Variants in SUGCT observed in about 807,000 individuals in gnomAD.
The protein encoded by SUGCT is succinyl-CoA:glutarate-CoA transferase.
Under a neutral mutation model 55.0 loss-of-function variants are expected in SUGCT, and 41 were observed. That is an observed-to-expected ratio of 0.74 (90% CI 0.58 to 0.97). The LOEUF (loss-of-function observed/expected upper bound fraction) is 0.97. Ranked by LOEUF, SUGCT falls within the 50% of genes least tolerant of loss-of-function variation. SUGCT has a pLI of 0.00. For missense variants in SUGCT, 568 were observed against 547.8 expected (o/e 1.04, Z -0.37); for synonymous variants, 187 against 200.4 (o/e 0.93, Z 0.56).
chr7:40,355,153 A>G (rs1408592537), intron 9 of SUGCT, among the ~76,000 whole-genome samples: 1 of 152,196 alleles, frequency 6.6e-6, no homozygotes, highest in Non-Finnish European at 1.5e-5. Context: ...CGTTACTGAT[A>G]GTGGTCACTT....
At chr7:40,925,384 T>A in the SUGCT span, among the ~76,000 whole-genome samples, 1 of 152,366 alleles carries the variant, frequency 6.6e-6, no homozygotes, top group African/African-American at 2.4e-5. Context: ...ACTTGCTTTT[T>A]AATATGCCTA....
intron 13 of SUGCT, among the ~76,000 whole-genome samples, chr7:40,836,865 A>T (rs1584512613): frequency 1.3e-5 from 2 of 152,012 alleles, no homozygotes; most frequent in East Asian, 3.9e-4. Flanking sequence ...ACTGAAAGAT[A>T]TTTGTTTCCA....
chr7:40,987,954 C>G, the SUGCT span, among the ~76,000 whole-genome samples: 1 of 151,872 alleles, frequency 6.6e-6, no homozygotes, highest in Non-Finnish European at 1.5e-5. Context: ...CTCTTTCTCT[C>G]TGTGTGTGTC....
At chr7:40,550,476 G>A (rs375994379) in intron 12 of SUGCT, among the ~76,000 whole-genome samples, 2 of 152,166 alleles carry the variant, frequency 1.3e-5, no homozygotes, top group South Asian at 4.1e-4. Context: ...GAAAGCAGGA[G>A]TAGAGGCAGA....
chr7:40,291,415 A>G (rs961487792), intron 8 of SUGCT, among the ~76,000 whole-genome samples: 5 of 148,194 alleles, frequency 3.4e-5, no homozygotes, highest in Non-Finnish European at 5.9e-5. Flanking sequence ...ACAAAAAACC[A>G]GACACCACAT....
chr7:40,564,358 C>T (rs1229642739), intron 12 of SUGCT, among the ~76,000 whole-genome samples: 1 of 152,100 alleles, frequency 6.6e-6, no homozygotes, highest in Non-Finnish European at 1.5e-5. Flanking sequence ...CCTGGGCGAC[C>T]TGGGCGACAG....
chr7:40,339,163 G>C (rs762981891), intron 9 of SUGCT, among the ~76,000 whole-genome samples: 13 of 152,144 alleles, frequency 8.5e-5, no homozygotes, highest in Non-Finnish European at 1.5e-4. Context: ...CCCTACTGGG[G>C]GGTACCTCCC....
chr7:40,632,471 C>T (rs1417542507), intron 12 of SUGCT, among the ~76,000 whole-genome samples: 1 of 148,392 alleles, frequency 6.7e-6, no homozygotes, highest in South Asian at 2.2e-4. Context: ...TTTTTTAGTC[C>T]ATTTTCATCA....
At chr7:40,934,946 C>A in the SUGCT span, among the ~76,000 whole-genome samples, 2 of 152,158 alleles carry the variant, frequency 1.3e-5, no homozygotes, top group African/African-American at 4.8e-5. Context: ...CCAACCAGTC[C>A]CAGTGAGATG....
chr7:40,676,894 C>CGTGG (rs1784012758), intron 12 of SUGCT, among the ~76,000 whole-genome samples: 1 of 143,972 alleles, frequency 6.9e-6, no homozygotes. Context: ...TTCAGAATGA[C>CGTGG]GTGTGTGTGT....
chr7:40,465,383 G>A (rs1208540230), intron 11 of SUGCT, among the ~76,000 whole-genome samples: 1 of 152,104 alleles, frequency 6.6e-6, no homozygotes, highest in Non-Finnish European at 1.5e-5. Flanking sequence ...GCTGAGGCAG[G>A]CAGATCACCT....
At chr7:40,340,058 A>G (rs558136657) in intron 9 of SUGCT, among the ~76,000 whole-genome samples, 1 of 152,290 alleles carries the variant, frequency 6.6e-6, no homozygotes, top group African/African-American at 2.4e-5. Context: ...TCATTCCTGG[A>G]CCCTAGGTTA....
rs1788143949 is a variant in SUGCT, at chr7:40,144,450, A to C, written c.100+9330A>C. ...GGAGGGGGCGGCGCTTTCTTGACTC[A>C]GGTGTGATGAGTCTATTCCCTTTCC... On this transcript the variant is annotated intron_variant, in intron 1 of 13. Coordinates refer to ENST00000335693, the MANE Select transcript of SUGCT (RefSeq NM_001193313.2). 2.6e-5 allele frequency among the ~76,000 whole-genome samples: 4 copies of C among 152,006 alleles called. No homozygotes were observed. In the South Asian group the frequency reaches 8.4e-4, roughly 32 times the overall value.
At chr7:40,954,130 C>T in the SUGCT span, among the ~76,000 whole-genome samples, 2 of 152,220 alleles carry the variant, frequency 1.3e-5, no homozygotes, top group African/African-American at 2.4e-5. Flanking sequence ...ACTTTATTTA[C>T]CTACTCAAGC....
chr7:40,657,252 T>C (rs1318941151), intron 12 of SUGCT, among the ~76,000 whole-genome samples: 1 of 152,158 alleles, frequency 6.6e-6, no homozygotes, highest in Non-Finnish European at 1.5e-5. Flanking sequence ...ATTATGCTTC[T>C]TTTCCCCTTG....
At chr7:41,022,729 C>T in the SUGCT span, among the ~76,000 whole-genome samples, 1 of 151,346 alleles carries the variant, frequency 6.6e-6, no homozygotes, top group African/African-American at 2.4e-5. Flanking sequence ...ATTTACTGTG[C>T]TAAATATGCA....
At chr7:40,344,494 C>A (rs373276030) in intron 9 of SUGCT, among the ~76,000 whole-genome samples, 2 of 152,088 alleles carry the variant, frequency 1.3e-5, no homozygotes, top group East Asian at 3.8e-4. Flanking sequence ...GTTTTTGACA[C>A]GTGAAATTCA....
rs80185901 is a variant in SUGCT at position 40,700,875 on chromosome 7, A to G, written c.1090-48559A>G. ...AGGAGACTAGATGCGACCCACAGTC[A>G]CTCACTGAGGAGAGAAGAGCCACCG... On this transcript the variant is annotated intron_variant, in intron 12 of 13. Transcript: ENST00000335693. 7.3e-3 allele frequency among the ~76,000 whole-genome samples: 1,111 copies of G among 152,240 alleles called. 10 individuals are homozygous for G. Among genetic ancestry groups the G allele is most frequent in the African/African-American group, 0.025 (1,035 of 41,538 alleles).
chr7:40,993,746 G>A, the SUGCT span, among the ~76,000 whole-genome samples: 421 of 152,268 alleles, frequency 2.8e-3, 2 homozygotes, highest in African/African-American at 9.9e-3. Context: ...GGAAGAACTG[G>A]ATGCCGCTCA....
Sources: gnomAD v4.1 joint callset for allele counts (sites outside exome capture counted in the v4.1 genomes callset) on GRCh38, gnomAD v4.1.1 for gene constraint, MANE v1.5 for transcripts, NCBI Gene and HGNC (gene_info 2026-07-23, HGNC 2026-07-21) for gene names.